The following RAB8B variants were observed in gnomAD, a reference collection of about 807,000 sequenced individuals.
RAB8B encodes the protein RAB8B, member RAS oncogene family.
In RAB8B, 11 loss-of-function variants were observed where a neutral mutation model predicts 32.0. The ratio of observed to expected loss-of-function variants is 0.34; its 90% CI spans 0.22 to 0.57. The LOEUF is 0.57. Ranked by LOEUF, RAB8B falls within the 20% of genes least tolerant of loss-of-function variation. RAB8B has a pLI of 0.86. For missense variants in RAB8B, 190 were observed against 258.5 expected, an observed-to-expected ratio of 0.73 and a Z score of 1.82; for synonymous variants, 103 against 89.6, an observed-to-expected ratio of 1.15 and a Z score of -0.85.
At chr15:63,231,282 TA>T (rs1043112275) in intron 1 of RAB8B, among the ~76,000 whole-genome samples, 1 of 152,248 alleles carries the variant, frequency 6.6e-6, no homozygotes, top group African/African-American at 2.4e-5. Flanking sequence ...TCTATTAGTT[TA>T]TTTTTTTAGC....
At position 63,247,449 on chromosome 15, in the gene RAB8B, T is replaced by A. The variant is rs2038080739; in HGVS notation, c.186-2196T>A. 2.0e-5 allele frequency among the ~76,000 whole-genome samples: 3 copies of A among 152,236 alleles called. No homozygotes were observed. The South Asian group carries it at 6.2e-4, about 31-fold the overall frequency. ...AACTACAGTGAATAAATATGGTTCC[T>A]CCAGATTGCTAGGTTGAATATTTTT... On this transcript the variant is annotated intron_variant, in intron 2 of 7. Coordinates refer to ENST00000321437, the MANE Select transcript of RAB8B (RefSeq NM_016530.3).
chr15:63,224,830 A>G (rs2037875714), intron 1 of RAB8B, among the ~76,000 whole-genome samples: 3 of 152,184 alleles, frequency 2.0e-5, no homozygotes, highest in African/African-American at 7.2e-5. Flanking sequence ...TACCTCCTCC[A>G]GGGTGGACTC....
chr15:63,213,879 G>A (rs1052769521), intron 1 of RAB8B, among the ~76,000 whole-genome samples: 3 of 152,078 alleles, frequency 2.0e-5, no homozygotes, highest in Non-Finnish European at 2.9e-5. Context: ...TCAGGAGTTC[G>A]AGACCAGCCT....
At chr15:63,191,806 C>T (rs967997392) in intron 1 of RAB8B, among the ~76,000 whole-genome samples, 3 of 152,108 alleles carry the variant, frequency 2.0e-5, no homozygotes, top group South Asian at 4.1e-4. Context: ...TAGTTTTATT[C>T]GTTTTCTCTT....
At chr15:63,190,280 C>T (rs1386135122) in intron 1 of RAB8B, among the ~76,000 whole-genome samples, 10 of 151,852 alleles carry the variant, frequency 6.6e-5, no homozygotes, top group Non-Finnish European at 1.3e-4. Context: ...AATGAGCGGT[C>T]AGGAGGTGAG....
At chr15:63,223,076 A>C (rs923441700) in intron 1 of RAB8B, 7 of 455,766 alleles carry the variant, frequency 1.5e-5, no homozygotes, top group Non-Finnish European at 3.1e-5. Flanking sequence ...CTTTCATGGT[A>C]AGTACCCTAT....
At chr15:63,204,022 T>C (rs2037675680) in intron 1 of RAB8B, among the ~76,000 whole-genome samples, 1 of 152,046 alleles carries the variant, frequency 6.6e-6, no homozygotes. Context: ...AATGAAGTGC[T>C]GTGGTAAAGC....
intron 1 of RAB8B, among the ~76,000 whole-genome samples, chr15:63,233,753 A>C (rs17829047): frequency 0.064 from 9,679 of 152,314 alleles, 434 homozygotes; most frequent in Middle Eastern, 0.14. Flanking sequence ...ACCCATATTC[A>C]GATAGCCTGG....
At chr15:63,246,233 G>C (rs2038071202) in intron 2 of RAB8B, among the ~76,000 whole-genome samples, 1 of 152,172 alleles carries the variant, frequency 6.6e-6, no homozygotes. Context: ...CCCGTCACGT[G>C]AGCTCAGTTG....
intron 1 of RAB8B, among the ~76,000 whole-genome samples, chr15:63,236,177 C>G (rs2037978918): frequency 6.6e-6 from 1 of 152,134 alleles, no homozygotes; most frequent in Non-Finnish European, 1.5e-5. Flanking sequence ...ATACTTATTT[C>G]CCTGCCTCCT....
intron 1 of RAB8B, among the ~76,000 whole-genome samples, chr15:63,195,575 T>C (rs55813272): frequency 0.021 from 3,240 of 152,242 alleles, 58 homozygotes; most frequent in South Asian, 0.1. Context: ...CAAAGAAAAA[T>C]TTAGCAGTAT....
At chr15:63,192,709 A>G (rs2037567346) in intron 1 of RAB8B, among the ~76,000 whole-genome samples, 1 of 152,222 alleles carries the variant, frequency 6.6e-6, no homozygotes, top group African/African-American at 2.4e-5. Flanking sequence ...CTGTTTTGAT[A>G]GGGGTTCTGT....
chr15:63,190,710 A>C (rs1325516448), intron 1 of RAB8B, among the ~76,000 whole-genome samples: 6 of 152,170 alleles, frequency 3.9e-5, no homozygotes, highest in African/African-American at 1.2e-4. Context: ...TGGTCAGGAA[A>C]ATATGGTTCA....
rs1378892757 is a variant in RAB8B at position 63,248,383 on chromosome 15, G to A, written c.186-1262G>A. Reference sequence around the variant, plus strand: ...AAAAATTAGCCTGGCGTGGTGGTGGGCTTCTGTAGTCCCAGCTACTTGGGA... The same window carrying A: ...AAAAATTAGCCTGGCGTGGTGGTGGACTTCTGTAGTCCCAGCTACTTGGGA... On this transcript the variant is annotated intron_variant, in intron 2 of 7. Coordinates refer to ENST00000321437, the MANE Select transcript of RAB8B (RefSeq NM_016530.3). The surrounding 1 kb of genome is among the most constrained non-coding windows in gnomAD (Gnocchi z 4.4). Among the ~76,000 whole-genome samples, 1 of 152,136 alleles carries A rather than the reference G, an allele frequency of 6.6e-6. No individual in the cohort carries two copies. The highest frequency in any genetic ancestry group is 1.5e-5 in the Non-Finnish European group (1 of 68,030).
intron 2 of RAB8B, among the ~76,000 whole-genome samples, chr15:63,246,727 T>C (rs993755482): frequency 6.6e-6 from 1 of 152,180 alleles, no homozygotes; most frequent in Non-Finnish European, 1.5e-5. Context: ...GGTGATTAAG[T>C]CAACCTTTAG....
intron 1 of RAB8B, among the ~76,000 whole-genome samples, chr15:63,198,939 C>A (rs573147715): frequency 6.6e-6 from 1 of 152,144 alleles, no homozygotes; most frequent in Non-Finnish European, 1.5e-5. Context: ...CAGTGACTAA[C>A]CCTTCTGTAA....
At chr15:63,225,088 T>G (rs929686598) in intron 1 of RAB8B, among the ~76,000 whole-genome samples, 5 of 152,216 alleles carry the variant, frequency 3.3e-5, no homozygotes, top group African/African-American at 1.2e-4. Context: ...AAATATAATA[T>G]CGTCTTTAAC....
rs143919218 is a variant in RAB8B, at chr15:63,263,712, G to A, written c.*93G>A. On this transcript the variant is annotated 3_prime_UTR_variant, in exon 8 of 8. Transcript: ENST00000321437. ...ACCCAGCCTCAGAATCACACCTCCCGGCTGCTGCTGAGAGCACCACTGAAC... is the reference window on the plus strand; with the variant it reads ...ACCCAGCCTCAGAATCACACCTCCCAGCTGCTGCTGAGAGCACCACTGAAC... 2.5e-5 allele frequency: 25 copies of A among 1,005,524 alleles called. No individual in the cohort carries two copies. The East Asian group carries it at 3.3e-4, about 13-fold the overall frequency. 62.3% of individuals were successfully genotyped at this position (1,005,524 alleles called of 1,614,324 possible).
chr15:63,235,848 G>T (rs562176018), intron 1 of RAB8B, among the ~76,000 whole-genome samples: 1 of 151,442 alleles, frequency 6.6e-6, no homozygotes, highest in Non-Finnish European at 1.5e-5. Context: ...TTCACTGCTC[G>T]AGTATTCCTA....
Sources: gnomAD v4.1 joint callset for allele counts (sites outside exome capture counted in the v4.1 genomes callset) on GRCh38, gnomAD v4.1.1 for gene constraint, Gnocchi (gnomAD v3.1) non-coding constraint, MANE v1.5 for transcripts, NCBI Gene and HGNC (gene_info 2026-07-23, HGNC 2026-07-21) for gene names.